Variants in BRCA2 observed in about 807,000 individuals in gnomAD.
BRCA2 encodes BRCA2 DNA repair associated.
A neutral mutation model predicts 276.7 loss-of-function variants in BRCA2; 203 were observed. That is an observed-to-expected ratio of 0.73 (90% confidence interval 0.65 to 0.82). The LOEUF is 0.82. BRCA2 is among the 40% of genes least tolerant of loss of function. The probability of loss-of-function intolerance (pLI) is 0.00; values close to 1 mark genes in which losing one functional copy is unlikely to be tolerated. For synonymous variants in BRCA2, 1,289 were observed against 1,338.4 expected (o/e 0.96, Z 0.81); for missense variants, 3,920 against 3,915.0 (o/e 1.00, Z -0.03).
At chr13:32,334,867 G>C (rs182559990) in intron 10 of BRCA2, among the ~76,000 whole-genome samples, 2 of 152,250 alleles carry the variant, frequency 1.3e-5, no homozygotes, top group African/African-American at 4.8e-5. Flanking sequence ...TGTTGCAACA[G>C]TTCACTTAGC....
At chr13:32,327,485 C>T (rs962579258) in intron 7 of BRCA2, among the ~76,000 whole-genome samples, 1 of 151,756 alleles carries the variant, frequency 6.6e-6, no homozygotes, top group Non-Finnish European at 1.5e-5. Flanking sequence ...TCCTGGCTAA[C>T]GTGGTGAAAC....
At chr13:32,322,130 C>T (rs1410001256) in intron 3 of BRCA2, among the ~76,000 whole-genome samples, 1 of 152,152 alleles carries the variant, frequency 6.6e-6, no homozygotes, top group Non-Finnish European at 1.5e-5. Flanking sequence ...AAAAATCTCC[C>T]GAGTTCCACC....
In BRCA2 at chr13:32,363,224, G is replaced by T. The variant is rs779086813; in HGVS notation, c.8022G>T (p.Lys2674Asn). ...GAAGCAGAAGATCGGCTATAAAAAA[G>T]ATAATGGAAAGGGATGACACAGCTG... The part of the protein sequence containing the change: ...IDRSRRSAIK[K>N]IMERDDTAAK... The change falls in exon 18 of 27, where the codon AAG becomes AAT. Residue 2674 changes from lysine to asparagine, a missense_variant. Physicochemically the swap from Lys to Asn is moderately conservative, Grantham distance 94. This residue lies in a region of BRCA2 where 3,263 missense variants were observed against 3,156.9 expected (regional missense o/e 1.03). Coordinates refer to ENST00000380152, the MANE Select transcript of BRCA2 (RefSeq NM_000059.4). The T allele has an allele frequency of 1.2e-6, 2 of 1,613,898 alleles. No individual in the cohort carries two copies. The highest frequency in any genetic ancestry group is 2.2e-5 in the South Asian group (2 of 91,060).
In BRCA2 at chr13:32,340,993, C is replaced by T. The variant is rs75925841; in HGVS notation, c.6638C>T (p.Ser2213Phe). 1.9e-6 allele frequency: 3 copies of T among 1,611,052 alleles called. No individual in the cohort carries two copies. The East Asian group carries it at 6.7e-5, about 36-fold the overall frequency. ...GTGAAAACAAATATAGAAGTTTGTT[C>T]TACTTACTCCAAAGATTCAGAAAAC... ...VPVKTNIEVC[S>F]TYSKDSENYF... is the part of the protein sequence containing the mutation. The change falls in exon 11 of 27, where the codon TCT (serine) becomes TTT (phenylalanine). Residue 2213 changes from serine to phenylalanine, a missense_variant. Around this residue, in one of 2 missense-constraint regions of BRCA2, gnomAD observed 3,263 missense variants for 3,156.9 expected, o/e 1.03. Coordinates refer to ENST00000380152, the MANE Select transcript of BRCA2 (RefSeq NM_000059.4).
Position 32,345,879 on chromosome 13 carries a change from G to A in BRCA2, c.6938-948G>A, listed in dbSNP as rs206078. Among the ~76,000 whole-genome samples, 148,856 of 152,118 alleles carry A rather than the reference G, an allele frequency of 0.98. 72,915 individuals are homozygous for A. Among genetic ancestry groups the A allele is most frequent in the East Asian group, 1 (5,191 of 5,192 alleles). ...CATGTTGGCACTCAAAAAGTTTCAG[G>A]TTTGTGACCATTTTGGATTTTCAGA... On this transcript the variant is annotated intron_variant, in intron 12 of 26. Transcript: ENST00000380152.
chr13:32,343,001 A>G (rs1384265491), intron 11 of BRCA2, among the ~76,000 whole-genome samples: 1 of 151,982 alleles, frequency 6.6e-6, no homozygotes, highest in Admixed American at 6.6e-5. Context: ...GTGAGCCAAG[A>G]TCGCACCACT....
At position 32,333,397 on chromosome 13, in the gene BRCA2, TC is replaced by T; in HGVS notation, c.1909+11del. ...GCAAATGCTGATTCAGGTACCTCTG[TC>T]TTTTTTTTTTTGTAAATAGTACATA... is the stretch of plus-strand genomic sequence containing the variant. On this transcript the variant is annotated intron_variant, in intron 10 of 26. Coordinates refer to ENST00000380152, the MANE Select transcript of BRCA2 (RefSeq NM_000059.4). The T allele has an allele frequency of 6.2e-7, 1 of 1,605,848 alleles. No homozygotes were observed. The highest frequency in any genetic ancestry group is 1.3e-5 in the African/African-American group (1 of 74,110).
intron 5 of BRCA2, 36 bp downstream of exon 5, chr13:32,326,186 A>G (rs1056440334): frequency 4.4e-6 from 7 of 1,607,438 alleles, no homozygotes; most frequent in Non-Finnish European, 6.0e-6. Flanking sequence ...TTCTTAGAAT[A>G]CTAGAAATGT....
intron 3 of BRCA2, among the ~76,000 whole-genome samples, chr13:32,321,746 T>G (rs2072307488): frequency 1.3e-5 from 2 of 152,218 alleles, no homozygotes; most frequent in East Asian, 3.8e-4. Flanking sequence ...TTCTAACATG[T>G]AATATTTTTT....
At chr13:32,383,478 G>A (rs1298813476) in intron 24 of BRCA2, among the ~76,000 whole-genome samples, 1 of 152,224 alleles carries the variant, frequency 6.6e-6, no homozygotes, top group Non-Finnish European at 1.5e-5. Context: ...GGGCCCACTG[G>A]AGGTTTAATG....
chr13:32,344,539 A>G lies in BRCA2; in HGVS notation c.6842-19A>G, dbSNP rs81002865. On this transcript the variant is annotated intron_variant, in intron 11 of 26. Transcript: ENST00000380152. The stretch of plus-strand genomic sequence containing the variant: ...GATATTATTTGCCTTAAAAACATAT[A>G]TGAAATATTTCTTTTTAGGAGAACC... The G allele has an allele frequency of 8.3e-6, 12 of 1,446,556 alleles. No individual in the cohort carries two copies. The Admixed American group carries it at 8.7e-5, about 10-fold the overall frequency. The allele number at this position is 1,446,556 out of a possible 1,614,324, so 89.6% of individuals were successfully genotyped here.
intron 8 of BRCA2, among the ~76,000 whole-genome samples, chr13:32,330,252 G>A (rs1182471290): frequency 6.6e-6 from 1 of 152,212 alleles, no homozygotes; most frequent in Non-Finnish European, 1.5e-5. Flanking sequence ...CTTCTATGGT[G>A]CACTGTGTGG....
rs730881528 is a variant in BRCA2, at chr13:32,338,284, C to A, written c.3929C>A (p.Thr1310Asn). 1 of 1,569,790 alleles carries A rather than the reference C, an allele frequency of 6.4e-7. No homozygotes were observed. Among genetic ancestry groups the A allele is most frequent in the Non-Finnish European group, 8.6e-7 (1 of 1,160,258 alleles). Residue 1310 changes from threonine (T) to asparagine (N), a missense_variant, in exon 11 of 27, where the codon ACT becomes AAT. By Grantham distance (65) the Thr-to-Asn change is moderately conservative. Coordinates refer to ENST00000380152, the MANE Select transcript of BRCA2 (RefSeq NM_000059.4). ...ACTGGCACTTTTGTTGAAGAAATTA[C>A]TGAAAATTACAAGAGAAATACTGAA... ...MTTGTFVEEI[T>N]ENYKRNTENE...
In BRCA2 at chr13:32,346,808, T is replaced by A; in HGVS notation, c.6938-19T>A. The A allele has an allele frequency of 6.3e-7, 1 of 1,581,516 alleles. No homozygotes were observed. Among genetic ancestry groups the A allele is most frequent in the Non-Finnish European group, 8.7e-7 (1 of 1,155,620 alleles). ...CTTAGATTTTAACTAATATGTAATA[T>A]AAAATAATTGTTTCCTAGGCACAAT... On this transcript the variant is annotated intron_variant, in intron 12 of 26. Coordinates refer to ENST00000380152, the MANE Select transcript of BRCA2 (RefSeq NM_000059.4).
chr13:32,339,333 C>T lies in BRCA2; in HGVS notation c.4978C>T (p.Pro1660Ser), dbSNP rs2137512328. The change falls in exon 11 of 27, where the codon CCT becomes TCT. Residue 1660 changes from proline to serine, a missense_variant. Physicochemically the swap from Pro to Ser is moderately conservative, Grantham distance 74. This residue lies in a region of BRCA2 where 3,263 missense variants were observed against 3,156.9 expected (regional missense o/e 1.03). Coordinates refer to ENST00000380152, the MANE Select transcript of BRCA2 (RefSeq NM_000059.4). ...SPATCYTNQS[P>S]YSVIENSALA... ...TGCAACTTGTTACACAAATCAGTCCCCTTATTCAGTCATTGAAAATTCAGC... is the reference window on the plus strand; with the variant it reads ...TGCAACTTGTTACACAAATCAGTCCTCTTATTCAGTCATTGAAAATTCAGC... 1.9e-6 allele frequency: 3 copies of T among 1,593,240 alleles called. No homozygotes were observed. Among genetic ancestry groups the T allele is most frequent in the South Asian group, 1.2e-5 (1 of 86,936 alleles).
chr13:32,328,910 T>G (rs1014463798), intron 7 of BRCA2, among the ~76,000 whole-genome samples: 16 of 152,152 alleles, frequency 1.1e-4, no homozygotes, highest in Non-Finnish European at 1.9e-4. Context: ...AAAACTAGGT[T>G]GTACTCAAAG....
chr13:32,346,131 C>A (rs761641072), intron 12 of BRCA2, among the ~76,000 whole-genome samples: 1 of 151,598 alleles, frequency 6.6e-6, no homozygotes, highest in Non-Finnish European at 1.5e-5. Context: ...AAAAGGTATA[C>A]TTAGAGTTTT....
At chr13:32,362,752 G>A (rs2072749988) in intron 17 of BRCA2, 59 bp downstream of exon 17, 4 of 1,583,264 alleles carry the variant, frequency 2.5e-6, no homozygotes, top group East Asian at 2.2e-5. Context: ...AGGTTTCTGT[G>A]TAGTCTGTGA....
intron 24 of BRCA2, among the ~76,000 whole-genome samples, chr13:32,380,554 T>TTTTC (rs1555288607): frequency 6.8e-6 from 1 of 146,640 alleles, no homozygotes; most frequent in African/African-American, 2.5e-5. Flanking sequence ...TTTTTTTTTT[T>TTTTC]CCCCGAGATG....
Sources: gnomAD v4.1 joint callset for allele counts (sites outside exome capture counted in the v4.1 genomes callset) on GRCh38, gnomAD v4.1.1 for gene constraint, gnomAD v4.1.1 regional missense constraint, MANE v1.5 for transcripts, NCBI Gene and HGNC (gene_info 2026-07-23, HGNC 2026-07-21) for gene names.